SNX6: variants seen among roughly 807,000 people sequenced by gnomAD.
SNX6 encodes sorting nexin 6.
A neutral mutation model predicts 63.0 loss-of-function variants in SNX6; 34 were observed. That is an observed-to-expected ratio of 0.54 (90% CI 0.41 to 0.72). The LOEUF (loss-of-function observed/expected upper bound fraction) is 0.72. Among genes scored for constraint, SNX6 ranks in the 30% least tolerant of loss-of-function variants. SNX6 has a pLI of 0.00. For missense variants in SNX6, 398 were observed against 471.4 expected, an observed-to-expected ratio of 0.84 and a Z score of 1.44; for synonymous variants, 170 against 164.2, an observed-to-expected ratio of 1.04 and a Z score of -0.27.
At chr14:34,624,934 G>A (rs1378603362) in intron 2 of SNX6, among the ~76,000 whole-genome samples, 3 of 151,510 alleles carry the variant, frequency 2.0e-5, no homozygotes, top group African/African-American at 7.3e-5. Context: ...CTTTCTTTTC[G>A]AGACAGAGTC....
chr14:34,565,911 G>A (rs941945710), intron 13 of SNX6, among the ~76,000 whole-genome samples: 4 of 150,882 alleles, frequency 2.7e-5, no homozygotes, highest in South Asian at 2.1e-4. Context: ...GGATGGCCTC[G>A]ATCTCCTGAC....
intron 11 of SNX6, among the ~76,000 whole-genome samples, chr14:34,570,849 G>A (rs1428508000): frequency 2.7e-5 from 4 of 150,110 alleles, no homozygotes; most frequent in South Asian, 2.1e-4. Flanking sequence ...TCAGCCTCCC[G>A]AGTAGCTGGG....
At chr14:34,609,877 C>T (rs1432507955) in intron 2 of SNX6, 135 bp from the exon 3 acceptor site, 3 of 602,926 alleles carry the variant, frequency 5.0e-6, no homozygotes, top group East Asian at 2.8e-5. Context: ...GTCCATTTAA[C>T]ATACATACTA....
At chr14:34,589,841 G>A (rs1211773165) in intron 8 of SNX6, among the ~76,000 whole-genome samples, 4 of 151,684 alleles carry the variant, frequency 2.6e-5, no homozygotes, top group Non-Finnish European at 5.9e-5. Context: ...AAAAAAAAAT[G>A]GAGTCTGGTG....
intron 2 of SNX6, among the ~76,000 whole-genome samples, chr14:34,616,694 G>A (rs1225363733): frequency 1.5e-4 from 23 of 152,126 alleles, no homozygotes; most frequent in Admixed American, 1.5e-3. Context: ...TGTCCAGGCA[G>A]ATTTTCTTCT....
At chr14:34,603,254 C>A in intron 6 of SNX6, 94 bp downstream of exon 6, 1 of 1,278,154 alleles carries the variant, frequency 7.8e-7, no homozygotes, top group Admixed American at 2.8e-5. Flanking sequence ...CCACTGTACT[C>A]CAGCCTGGAA....
chr14:34,580,462 T>C (rs1054550131), intron 10 of SNX6, among the ~76,000 whole-genome samples: 3 of 151,470 alleles, frequency 2.0e-5, no homozygotes, highest in Admixed American at 2.0e-4. Context: ...CCACCACGCC[T>C]GGCTAATTTT....
chr14:34,629,248 C>T (rs1883945183), intron 2 of SNX6, among the ~76,000 whole-genome samples: 1 of 151,786 alleles, frequency 6.6e-6, no homozygotes, highest in Non-Finnish European at 1.5e-5. Context: ...TAAGTATATA[C>T]AATTATCAAC....
At chr14:34,581,288 G>C (rs1490447356) in intron 10 of SNX6, among the ~76,000 whole-genome samples, 1 of 152,164 alleles carries the variant, frequency 6.6e-6, no homozygotes, top group African/African-American at 2.4e-5. Context: ...CAAGTAGCTG[G>C]GACTATAGGC....
chr14:34,615,745 G>C (rs1276480485), intron 2 of SNX6, among the ~76,000 whole-genome samples: 2 of 151,948 alleles, frequency 1.3e-5, no homozygotes, highest in African/African-American at 4.8e-5. Context: ...CTCCCAAAGT[G>C]TTAGGATTAC....
chr14:34,580,527 C>T (rs549735794), intron 10 of SNX6, among the ~76,000 whole-genome samples: 1 of 152,164 alleles, frequency 6.6e-6, no homozygotes, highest in Admixed American at 6.6e-5. Flanking sequence ...GGTCGAACTC[C>T]TGGCCTCTAC....
rs933054138 is a variant in SNX6 at position 34,568,450 on chromosome 14, C to T, written c.922-437G>A. 3.3e-5 allele frequency among the ~76,000 whole-genome samples: 5 copies of T among 151,916 alleles called. No homozygotes were observed. The South Asian group carries it at 1.0e-3, about 32-fold the overall frequency. On this transcript the variant is annotated intron_variant, in intron 11 of 13. Coordinates refer to ENST00000362031, the MANE Select transcript of SNX6 (RefSeq NM_152233.4). ...TTCACCACGTTAGCCAGGATGGTCT[C>T]GATCTCTTGACCTCGTGATCCACCC... is the stretch of plus-strand genomic sequence containing the variant.
At chr14:34,604,359 G>T in intron 5 of SNX6, 1 of 1,085,082 alleles carries the variant, frequency 9.2e-7, no homozygotes, top group Non-Finnish European at 1.2e-6. Context: ...CCAATTTTCA[G>T]TCTTATAAAC....
chr14:34,565,962 T>A (rs998767164), intron 13 of SNX6, among the ~76,000 whole-genome samples: 1 of 152,230 alleles, frequency 6.6e-6, no homozygotes, highest in African/African-American at 2.4e-5. Context: ...GTGCTGGGAT[T>A]ACAGGCGTGA....
intron 10 of SNX6, among the ~76,000 whole-genome samples, chr14:34,578,096 T>C (rs1881783140): frequency 6.6e-6 from 1 of 151,688 alleles, no homozygotes; most frequent in Non-Finnish European, 1.5e-5. Flanking sequence ...CCCAGGTACT[T>C]GGGAGGCTGA....
intron 6 of SNX6, among the ~76,000 whole-genome samples, chr14:34,602,353 G>C (rs1462005255): frequency 6.6e-6 from 1 of 151,856 alleles, no homozygotes; most frequent in Non-Finnish European, 1.5e-5. Flanking sequence ...TTGAACCAAG[G>C]AGGCAGAGGT....
At chr14:34,583,253 G>A (rs1031234107) in intron 9 of SNX6, among the ~76,000 whole-genome samples, 22 of 152,110 alleles carry the variant, frequency 1.4e-4, no homozygotes, top group Admixed American at 1.0e-3. Flanking sequence ...AGCTTGCAGT[G>A]AGCCAAGACT....
chr14:34,567,580 C>T, intron 13 of SNX6, 106 bp downstream of exon 13: 1 of 819,692 alleles, frequency 1.2e-6, no homozygotes, highest in East Asian at 2.7e-5. Flanking sequence ...GAATAGTTGT[C>T]ACAGTATCCC....
intron 2 of SNX6, among the ~76,000 whole-genome samples, chr14:34,615,955 TTTTTTA>T (rs1357318579): frequency 4.6e-5 from 7 of 152,138 alleles, no homozygotes; most frequent in South Asian, 2.1e-4. Flanking sequence ...AGGAATGTCC[TTTTTTA>T]TTTTTATTTT....
Sources: allele counts gnomAD v4.1 joint callset (sites outside exome capture counted in the v4.1 genomes callset), GRCh38; gene constraint gnomAD v4.1.1; transcripts MANE v1.5; gene names NCBI Gene and HGNC (gene_info 2026-07-23, HGNC 2026-07-21).